The following ARHGAP42 variants were observed in gnomAD, a reference collection of about 807,000 sequenced individuals.
ARHGAP42 encodes rho GTPase-activating protein 42.
ARHGAP42 carries 63 observed loss-of-function variants against 125.0 expected under a neutral mutation model. The ratio of observed to expected loss-of-function variants is 0.50; its 90% CI spans 0.41 to 0.62. The LOEUF is 0.62. Ranked by LOEUF, ARHGAP42 falls within the 20% of genes least tolerant of loss-of-function variation. The pLI, the probability that ARHGAP42 is intolerant of heterozygous loss-of-function variation, is 0.00. For missense variants in ARHGAP42, 766 were observed against 1,024.2 expected, an observed-to-expected ratio of 0.75 and a Z score of 3.44; for synonymous variants, 339 against 351.0, an observed-to-expected ratio of 0.97 and a Z score of 0.38.
rs568349593 is a variant in ARHGAP42, at chr11:100,917,693, T to A, written c.487-3801T>A. On this transcript the variant is annotated intron_variant, in intron 5 of 23. Transcript: ENST00000298815. ...TCCAAGCAATTCTTGTGCCTCAGCC[T>A]CCCGAGTAGCTGGGACTACAGGTGT... 2.6e-5 allele frequency among the ~76,000 whole-genome samples: 4 copies of A among 152,288 alleles called. No homozygotes were observed. The East Asian group carries it at 7.7e-4, about 29-fold the overall frequency.
At chr11:100,700,918 G>C (rs567836782) in intron 1 of ARHGAP42, among the ~76,000 whole-genome samples, 4 of 152,294 alleles carry the variant, frequency 2.6e-5, no homozygotes, top group Non-Finnish European at 4.4e-5. Flanking sequence ...AATGTACTTT[G>C]CTGAGATCCA....
At chr11:100,805,445 A>G (rs1247542632) in intron 3 of ARHGAP42, among the ~76,000 whole-genome samples, 1 of 152,224 alleles carries the variant, frequency 6.6e-6, no homozygotes, top group Non-Finnish European at 1.5e-5. Flanking sequence ...AATTTTCAAT[A>G]AGTTCATCAT....
chr11:100,780,056 A>T (rs543456045), intron 2 of ARHGAP42, among the ~76,000 whole-genome samples: 1 of 151,924 alleles, frequency 6.6e-6, no homozygotes, highest in Admixed American at 6.6e-5. Flanking sequence ...AGTTTTAAAA[A>T]TATTTATAAA....
chr11:100,943,733 ATACTGTGG>A lies in ARHGAP42; in HGVS notation c.934-21_934-14del. On this transcript the variant is annotated intron_variant, in intron 9 of 23. Transcript: ENST00000298815. ...TTTCAATTCACTTGTCAGCATGTTA[ATACTGTGG>A]TACTCTTCTTGTTTCAGAATGGCCT... 1 of 1,433,128 alleles carries A rather than the reference ATACTGTGG, an allele frequency of 7.0e-7. No homozygotes were observed. The highest frequency in any genetic ancestry group is 2.5e-5 in the East Asian group (1 of 40,102). 88.8% of individuals were successfully genotyped at this position (1,433,128 alleles called of 1,614,324 possible). A position where few individuals can be genotyped will look rare whatever the true frequency, so the allele number is the denominator to read the frequency against.
intron 1 of ARHGAP42, among the ~76,000 whole-genome samples, chr11:100,750,407 T>A (rs1269929934): frequency 6.7e-6 from 1 of 148,540 alleles, no homozygotes; most frequent in Non-Finnish European, 1.5e-5. Flanking sequence ...GGGTGAGTGG[T>A]TTGGCGGTAA....
At chr11:100,751,831 G>A (rs183024727) in intron 1 of ARHGAP42, among the ~76,000 whole-genome samples, 19 of 140,094 alleles carry the variant, frequency 1.4e-4, no homozygotes, top group Non-Finnish European at 1.8e-4. Flanking sequence ...CCAGGCTGGA[G>A]TGCAATGGTG....
chr11:100,833,574 G>T (rs1368575601), intron 3 of ARHGAP42, among the ~76,000 whole-genome samples: 2 of 152,148 alleles, frequency 1.3e-5, no homozygotes, highest in African/African-American at 4.8e-5. Flanking sequence ...ACAATAGAAG[G>T]ATGATATATG....
chr11:100,827,819 C>T (rs1446106546), intron 3 of ARHGAP42, among the ~76,000 whole-genome samples: 1 of 152,178 alleles, frequency 6.6e-6, no homozygotes. Context: ...AAGAACTTTC[C>T]TTCACTATGC....
At chr11:100,732,955 C>T (rs1007804197) in intron 1 of ARHGAP42, among the ~76,000 whole-genome samples, 1 of 152,200 alleles carries the variant, frequency 6.6e-6, no homozygotes, top group African/African-American at 2.4e-5. Context: ...TTAGCCAGCT[C>T]CAAAATATTG....
At chr11:100,729,890 A>G (rs532616366) in intron 1 of ARHGAP42, among the ~76,000 whole-genome samples, 1 of 143,520 alleles carries the variant, frequency 7.0e-6, no homozygotes, top group South Asian at 2.2e-4. Flanking sequence ...GGCTCATTGC[A>G]ACCTCTGCCT....
chr11:100,969,577 G>T (rs897121000), intron 17 of ARHGAP42, among the ~76,000 whole-genome samples: 3 of 151,576 alleles, frequency 2.0e-5, no homozygotes, highest in African/African-American at 7.3e-5. Context: ...AGATTGCATA[G>T]TCTCTATTGA....
chr11:100,892,697 C>T (rs1256238327), intron 4 of ARHGAP42, among the ~76,000 whole-genome samples: 2 of 152,084 alleles, frequency 1.3e-5, no homozygotes, highest in Non-Finnish European at 2.9e-5. Flanking sequence ...CCATAATTTC[C>T]AAATACATTA....
chr11:100,793,867 T>G (rs1308932035), intron 2 of ARHGAP42, among the ~76,000 whole-genome samples: 1 of 151,212 alleles, frequency 6.6e-6, no homozygotes, highest in African/African-American at 2.4e-5. Context: ...AGTCCAAGAG[T>G]TTGAGACCAT....
rs3063409 is a variant in ARHGAP42, at chr11:100,792,752, C to CTTT, written c.251-2337_251-2335dup. ...GAATTAACAATTGACTTGGAATTTT[C>CTTT]TTTTTTTTTTTTTTTTTTGAGACCG... is the stretch of plus-strand genomic sequence containing the variant. On this transcript the variant is annotated intron_variant, in intron 2 of 23. Coordinates refer to ENST00000298815, the MANE Select transcript of ARHGAP42 (RefSeq NM_152432.4). 7.5e-3 allele frequency among the ~76,000 whole-genome samples: 1,062 copies of CTTT among 141,548 alleles called. 14 individuals are homozygous for CTTT. The highest frequency in any genetic ancestry group is 0.027 in the African/African-American group (1,004 of 36,776). 92.9% of individuals were successfully genotyped at this position (141,548 alleles called of 152,430 possible). A position where few individuals can be genotyped will look rare whatever the true frequency, so the allele number is the denominator to read the frequency against.
Position 100,770,346 on chromosome 11 carries a change from T to G in ARHGAP42, c.158T>G (p.Leu53Arg). The G allele has an allele frequency of 1.3e-6, 2 of 1,538,040 alleles. No homozygotes were observed. Among genetic ancestry groups the G allele is most frequent in the Non-Finnish European group, 1.8e-6 (2 of 1,141,180 alleles). ...TTTGCTTAACTTTTACTTGCAGATC[T>G]GTCTATGGCAGTGCAGAAATTTTCC... is the stretch of plus-strand genomic sequence containing the variant. The part of the protein sequence containing the change: ...GSLLIGALRN[L>R]SMAVQKFSQS... Residue 53 changes from leucine to arginine, a missense_variant, in exon 2 of 24, where the codon CTG becomes CGG. Coordinates refer to ENST00000298815, the MANE Select transcript of ARHGAP42 (RefSeq NM_152432.4).
intron 4 of ARHGAP42, among the ~76,000 whole-genome samples, chr11:100,866,677 C>A (rs1865576887): frequency 1.3e-5 from 2 of 152,076 alleles, no homozygotes; most frequent in African/African-American, 4.8e-5. Flanking sequence ...TGCACACTTT[C>A]AAACAACCAG....
chr11:100,886,797 T>C (rs1053748413), intron 4 of ARHGAP42, among the ~76,000 whole-genome samples: 1 of 152,326 alleles, frequency 6.6e-6, no homozygotes, highest in East Asian at 1.9e-4. Flanking sequence ...TTTAACTTCT[T>C]TGAGAAGAAA....
intron 1 of ARHGAP42, among the ~76,000 whole-genome samples, chr11:100,751,552 T>C (rs1247002513): frequency 1.3e-5 from 2 of 151,612 alleles, no homozygotes; most frequent in African/African-American, 4.9e-5. Flanking sequence ...TAGAAACCTG[T>C]TGTAGATAAA....
At position 100,929,320 on chromosome 11, in the gene ARHGAP42, A is replaced by G. The variant is rs567852421; in HGVS notation, c.598-3836A>G. Among the ~76,000 whole-genome samples the G allele has an allele frequency of 5.9e-5, 9 of 152,312 alleles. No homozygotes were observed. The South Asian group carries it at 6.2e-4, about 11-fold the overall frequency. On this transcript the variant is annotated intron_variant, in intron 6 of 23. Transcript: ENST00000298815. ...GCTCACCCAGGTCTCACCTCCTGCC[A>G]TGCAGTTGGGTTCCTAACCGGCCAC... is the stretch of plus-strand genomic sequence containing the variant.
Sources: allele counts gnomAD v4.1 joint callset (sites outside exome capture counted in the v4.1 genomes callset), GRCh38; gene constraint gnomAD v4.1.1; transcripts MANE v1.5; gene names NCBI Gene and HGNC (gene_info 2026-07-23, HGNC 2026-07-21).